Variants in WDR62 observed in about 807,000 individuals in gnomAD.
WDR62 encodes the protein WD repeat domain 62, also known as WD repeat-containing protein 62.
In WDR62, 112 loss-of-function variants were observed where a neutral mutation model predicts 160.6. The ratio of observed to expected loss-of-function variants is 0.70; its 90% CI spans 0.60 to 0.82. The LOEUF (loss-of-function observed/expected upper bound fraction) is 0.82, where lower values mean the gene tolerates loss of function less well. Among genes scored for constraint, WDR62 ranks in the 40% least tolerant of loss-of-function variants. WDR62 has a pLI of 0.00. For synonymous variants in WDR62, 792 were observed against 815.1 expected, an observed-to-expected ratio of 0.97 and a Z score of 0.48; for missense variants, 1,819 against 1,983.8, an observed-to-expected ratio of 0.92 and a Z score of 1.58.
Position 36,054,965 on chromosome 19 carries a change from C to T in WDR62, c.-7C>T. On this transcript the variant is annotated 5_prime_UTR_variant, in exon 1 of 32. Coordinates refer to ENST00000401500, the MANE Select transcript of WDR62 (RefSeq NM_001083961.2). ...GGATGTAACGGTCGCCCGCCTCCGGCGTGACGATGGCGGCCGTAGGGTCCG... is the reference window on the plus strand; with the variant it reads ...GGATGTAACGGTCGCCCGCCTCCGGTGTGACGATGGCGGCCGTAGGGTCCG... The T allele has an allele frequency of 1.3e-6, 2 of 1,590,730 alleles. No individual in the cohort carries two copies. Among genetic ancestry groups the T allele is most frequent in the Non-Finnish European group, 1.7e-6 (2 of 1,170,150 alleles).
At chr19:36,087,203 G>C (rs1183377550) in intron 13 of WDR62, among the ~76,000 whole-genome samples, 1 of 149,034 alleles carries the variant, frequency 6.7e-6, no homozygotes, top group Non-Finnish European at 1.5e-5. Context: ...GTGAGACCCT[G>C]TCTCAAAAAA....
chr19:36,104,810 C>T lies in WDR62; in HGVS notation c.4354C>T (p.Arg1452Trp), dbSNP rs372336874. 2.5e-5 allele frequency: 41 copies of T among 1,613,510 alleles called. No individual in the cohort carries two copies. The highest frequency in any genetic ancestry group is 6.7e-5 in the East Asian group (3 of 44,892). Residue 1452 changes from arginine to tryptophan, a missense_variant, in exon 32 of 32, where the codon CGG becomes TGG. Arg to Trp is a moderately radical substitution (Grantham distance 101). Coordinates refer to ENST00000401500, the MANE Select transcript of WDR62 (RefSeq NM_001083961.2). ...GGTGGACACCGGGCAGCAGCAGGCA[C>T]GGACTGAGCTGGTCTCCACCTTCCT... ...GQVDTGQQQA[R>W]TELVSTFLWI...
In WDR62 at chr19:36,091,479, C is replaced by T. The variant is rs1230144784; in HGVS notation, c.2210+14C>T. On this transcript the variant is annotated intron_variant, in intron 18 of 31. Coordinates refer to ENST00000401500, the MANE Select transcript of WDR62 (RefSeq NM_001083961.2). Reference sequence around the variant, plus strand: ...ATCTGGAGACAGGTGGGACATGGACCTTTGGGAGAGTTGTGGCTCAGATAC... The same window carrying T: ...ATCTGGAGACAGGTGGGACATGGACTTTTGGGAGAGTTGTGGCTCAGATAC... 1.9e-6 allele frequency: 3 copies of T among 1,613,484 alleles called. No individual in the cohort carries two copies. The highest frequency in any genetic ancestry group is 2.5e-6 in the Non-Finnish European group (3 of 1,179,526).
intron 20 of WDR62, 25 bp from the exon 21 acceptor site, chr19:36,097,000 CTT>C: frequency 6.2e-7 from 1 of 1,601,932 alleles, no homozygotes; most frequent in Non-Finnish European, 8.5e-7. Flanking sequence ...TGTTTGTCCT[CTT>C]TTCATGGATT....
At position 36,102,813 on chromosome 19, in the gene WDR62, C is replaced by A. The variant is rs1426720396; in HGVS notation, c.3297C>A (p.Ile1099=). Reference sequence around the variant, plus strand: ...ACTTCTTCAACCCACGCCTGAGTATCTCCACGCAGTTCCTCTCAAGCCTCC... The same window carrying A: ...ACTTCTTCAACCCACGCCTGAGTATATCCACGCAGTTCCTCTCAAGCCTCC... ...EDHFFNPRLS[I]STQFLSSLQK... is the part of the protein sequence containing the mutation. Residue 1099 remains isoleucine (I), a synonymous_variant, in exon 27 of 32, where the codon ATC becomes ATA. Coordinates refer to ENST00000401500, the MANE Select transcript of WDR62 (RefSeq NM_001083961.2). 1 of 1,614,098 alleles carries A rather than the reference C, an allele frequency of 6.2e-7. No individual in the cohort carries two copies. The highest frequency in any genetic ancestry group is 8.5e-7 in the Non-Finnish European group (1 of 1,180,042).
intron 10 of WDR62, chr19:36,081,950 G>C: frequency 2.3e-6 from 1 of 439,630 alleles, no homozygotes; most frequent in South Asian, 1.7e-5. Context: ...GGCCTCACGG[G>C]GGTATGGGCA....
Position 36,090,540 on chromosome 19 carries a change from T to A in WDR62, c.2034+20T>A. 6.2e-7 allele frequency: 1 copy of A among 1,612,998 alleles called. No individual in the cohort carries two copies. The highest frequency in any genetic ancestry group is 8.5e-7 in the Non-Finnish European group (1 of 1,179,044). On this transcript the variant is annotated intron_variant, in intron 16 of 31. Coordinates refer to ENST00000401500, the MANE Select transcript of WDR62 (RefSeq NM_001083961.2). The stretch of plus-strand genomic sequence containing the variant: ...CTGAAGGTGAGGAGTTGGAGACCCC[T>A]GTCTGTCTGCTGCCCTGATGGGCCA...
At chr19:36,089,443 T>G (rs1972457235) in intron 15 of WDR62, 137 bp downstream of exon 15, 2 of 1,396,634 alleles carry the variant, frequency 1.4e-6, no homozygotes, top group East Asian at 4.8e-5. Flanking sequence ...TCTTGGTTTT[T>G]TTTTGTTTTT....
chr19:36,077,714 G>T (rs556878092), intron 9 of WDR62, among the ~76,000 whole-genome samples: 1 of 152,034 alleles, frequency 6.6e-6, no homozygotes, highest in East Asian at 1.9e-4. Context: ...CCATGCTTCA[G>T]TCTCTAGAGT....
chr19:36,070,665 A>G (rs1971248933), intron 7 of WDR62: 1 of 152,170 alleles, frequency 6.6e-6, no homozygotes, highest in South Asian at 2.1e-4. Context: ...TCTCTGTCCT[A>G]GTTGGTTAAA....
downstream of WDR62, among the ~76,000 whole-genome samples, chr19:36,105,751 T>G (rs188754248): frequency 1.2e-3 from 189 of 152,230 alleles, no homozygotes; most frequent in Admixed American, 3.5e-3. Flanking sequence ...CAGGCTAGAG[T>G]GCAGTGGTGC....
chr19:36,058,907 T>C, intron 2 of WDR62, 36 bp downstream of exon 2: 1 of 1,565,656 alleles, frequency 6.4e-7, no homozygotes, highest in Non-Finnish European at 8.8e-7. Context: ...TAATCATTGC[T>C]AGGGAATTTG....
downstream of WDR62, among the ~76,000 whole-genome samples, chr19:36,109,160 T>C (rs1973760998): frequency 6.6e-6 from 1 of 152,134 alleles, no homozygotes; most frequent in Non-Finnish European, 1.5e-5. Context: ...AATGAAGAAA[T>C]ACTCCTCTCA....
intron 13 of WDR62, among the ~76,000 whole-genome samples, 196 bp downstream of exon 13, chr19:36,087,008 T>TG (rs1223486243): frequency 6.6e-6 from 1 of 151,518 alleles, no homozygotes; most frequent in Admixed American, 6.6e-5. Context: ...CCAAGGAGGG[T>TG]GGATCACCTG....
intron 21 of WDR62, among the ~76,000 whole-genome samples, chr19:36,097,421 A>G (rs985972491): frequency 2.6e-5 from 4 of 152,228 alleles, no homozygotes; most frequent in Admixed American, 2.6e-4. Flanking sequence ...ATCAAGAAGG[A>G]AAATACGTCA....
At chr19:36,078,281 G>A (rs1334145908) in intron 9 of WDR62, among the ~76,000 whole-genome samples, 1 of 151,388 alleles carries the variant, frequency 6.6e-6, no homozygotes, top group African/African-American at 2.4e-5. Context: ...CTGAGTAGCT[G>A]GGATTACAGG....
At chr19:36,092,339 G>A (rs1392482945) in intron 18 of WDR62, among the ~76,000 whole-genome samples, 1 of 151,804 alleles carries the variant, frequency 6.6e-6, no homozygotes, top group African/African-American at 2.4e-5. Context: ...ATTGTATGGT[G>A]AGAAATGAAT....
intron 30 of WDR62, 21 bp downstream of exon 30, chr19:36,104,002 A>G (rs200752033): frequency 1.1e-4 from 175 of 1,596,982 alleles, no homozygotes; most frequent in Non-Finnish European, 1.4e-4. Flanking sequence ...CCCTGGAGCA[A>G]GGACTGTCCC....
In WDR62 at chr19:36,101,701, C is replaced by T. The variant is rs201948957; in HGVS notation, c.3009C>T (p.Phe1003=). The change falls in exon 25 of 32, where the codon TTC becomes TTT. Residue 1003 remains phenylalanine, a synonymous_variant. Transcript: ENST00000401500. ...CAGAGGCCGACCTGGAGTGCAGCTTCGCAGCCATCCACTCCCCAGCTCCGC... is the reference window on the plus strand; with the variant it reads ...CAGAGGCCGACCTGGAGTGCAGCTTTGCAGCCATCCACTCCCCAGCTCCGC... The part of the protein sequence containing the change: ...GESEADLECS[F]AAIHSPAPPP... 8.4e-6 allele frequency: 13 copies of T among 1,551,112 alleles called. No homozygotes were observed. The East Asian group carries it at 1.2e-4, about 15-fold the overall frequency.
Sources: gnomAD v4.1 joint callset for allele counts (sites outside exome capture counted in the v4.1 genomes callset) on GRCh38, gnomAD v4.1.1 for gene constraint, MANE v1.5 for transcripts, NCBI Gene and HGNC (gene_info 2026-07-23, HGNC 2026-07-21) for gene names.